ZNF574: variants seen among roughly 807,000 people sequenced by gnomAD.
ZNF574 encodes the protein zinc finger protein 574.
In ZNF574, 25 loss-of-function variants were observed where a neutral mutation model predicts 56.6. The ratio of observed to expected loss-of-function variants is 0.44; its 90% CI spans 0.32 to 0.62. The LOEUF is 0.62. Among genes scored for constraint, ZNF574 ranks in the 20% least tolerant of loss-of-function variants. The pLI is 0.04. For synonymous variants in ZNF574, 543 were observed against 492.1 expected (o/e 1.10, Z -1.37); for missense variants, 1,065 against 1,218.9 (o/e 0.87, Z 1.88).
Position 42,078,657 on chromosome 19 carries a change from C to G in ZNF574, c.51C>G (p.Val17=). The change falls in exon 2 of 2, where the codon GTC becomes GTG. Residue 17 remains valine, a synonymous_variant. Coordinates refer to ENST00000359044, the MANE Select transcript of ZNF574 (RefSeq NM_022752.6). The part of the protein sequence containing the change: ...ETVLYIEHRY[V]CSECNQLYGS... ...TCCTGTACATTGAGCACCGCTATGTCTGCTCTGAGTGCAACCAGCTGTATG... is the reference window on the plus strand; with the variant it reads ...TCCTGTACATTGAGCACCGCTATGTGTGCTCTGAGTGCAACCAGCTGTATG... The G allele has an allele frequency of 6.2e-7, 1 of 1,614,092 alleles. No individual in the cohort carries two copies. Among genetic ancestry groups the G allele is most frequent in the African/African-American group, 1.3e-5 (1 of 75,032 alleles).
chr19:42,071,829 C>A (rs571058741), upstream of ZNF574, among the ~76,000 whole-genome samples: 10 of 152,188 alleles, frequency 6.6e-5, no homozygotes, highest in African/African-American at 2.2e-4. Context: ...CATGGCAAAA[C>A]CCCGTCACTA....
At chr19:42,069,588 A>C (rs1162722921) in intron 1 of ZNF574, 2 of 105,782 alleles carry the variant, frequency 1.9e-5, no homozygotes, top group Non-Finnish European at 3.6e-5. Flanking sequence ...GCACAGGCAA[A>C]GCCGGGGGAG....
In ZNF574 at chr19:42,079,717, C is replaced by G; in HGVS notation, c.1111C>G (p.Leu371Val). Residue 371 changes from leucine (L) to valine (V), a missense_variant, in exon 2 of 2, where the codon CTG (leucine) becomes GTG (valine). By Grantham distance (32) the Leu-to-Val change is conservative (BLOSUM62 1). Transcript: ENST00000359044. The surrounding 1 kb of genome is among the most constrained non-coding windows in gnomAD (Gnocchi z 4.3). ...ESHFLCVDCG[L>V]AFGTEALLLA... Reference sequence around the variant, plus strand: ...ACACTTCCTGTGTGTAGACTGTGGCCTGGCCTTCGGCACAGAGGCCCTCCT... The same window carrying G: ...ACACTTCCTGTGTGTAGACTGTGGCGTGGCCTTCGGCACAGAGGCCCTCCT... 1 of 1,614,142 alleles carries G rather than the reference C, an allele frequency of 6.2e-7. No homozygotes were observed. Among genetic ancestry groups the G allele is most frequent in the Non-Finnish European group, 8.5e-7 (1 of 1,180,026 alleles).
Position 42,081,534 on chromosome 19 carries a change from A to G in ZNF574, c.*237A>G. The G allele has an allele frequency of 5.0e-6, 3 of 598,346 alleles. No homozygotes were observed. Among genetic ancestry groups the G allele is most frequent in the East Asian group, 5.9e-5 (2 of 33,758 alleles). 37.1% of individuals were successfully genotyped at this position (598,346 alleles called of 1,614,324 possible). On this transcript the variant is annotated 3_prime_UTR_variant, in exon 2 of 2. Coordinates refer to ENST00000359044, the MANE Select transcript of ZNF574 (RefSeq NM_022752.6). ...TGACCCCAAAAATGAAACCATCAAT[A>G]AAGACTGAGTTGCCAGCAGTGTGTA...
At chr19:42,077,613 T>C (rs2076464914) in intron 1 of ZNF574, among the ~76,000 whole-genome samples, 1 of 152,058 alleles carries the variant, frequency 6.6e-6, no homozygotes. Flanking sequence ...GAAGAGGGGA[T>C]CTGGGTATCT....
chr19:42,077,264 C>T (rs999569167), intron 1 of ZNF574, among the ~76,000 whole-genome samples: 1 of 151,800 alleles, frequency 6.6e-6, no homozygotes, highest in South Asian at 2.1e-4. Flanking sequence ...ATAGGAGGTC[C>T]GGGTATCCCT....
upstream of ZNF574, among the ~76,000 whole-genome samples, chr19:42,075,799 G>A (rs550111754): frequency 1.6e-5 from 2 of 127,380 alleles, no homozygotes; most frequent in African/African-American, 5.1e-5. Context: ...ACTCCCTCAC[G>A]GCGTCCCCAA....
chr19:42,078,243 T>C (rs2076469205), intron 1 of ZNF574, among the ~76,000 whole-genome samples: 1 of 151,568 alleles, frequency 6.6e-6, no homozygotes, highest in African/African-American at 2.4e-5. Flanking sequence ...GAGGTCTGAG[T>C]GGAGGTTCCC....
At chr19:42,077,129 TGA>T (rs1258269173) in intron 1 of ZNF574, among the ~76,000 whole-genome samples, 5 of 151,958 alleles carry the variant, frequency 3.3e-5, no homozygotes, top group Admixed American at 6.6e-5. Flanking sequence ...GGAATGAGAC[TGA>T]GAGGTTGCTA....
chr19:42,072,239 T>C (rs1262339963), upstream of ZNF574, among the ~76,000 whole-genome samples: 3 of 147,616 alleles, frequency 2.0e-5, no homozygotes, highest in Non-Finnish European at 4.5e-5. Flanking sequence ...TCCTTTTCTT[T>C]TTTTTTTTTT....
chr19:42,075,842 C>T, upstream of ZNF574, among the ~76,000 whole-genome samples: 1 of 152,174 alleles, frequency 6.6e-6, no homozygotes, highest in East Asian at 1.9e-4. Flanking sequence ...CGCCGCCTAA[C>T]GTCATCGCGC....
In ZNF574 at chr19:42,081,127, C is replaced by G. The variant is rs771710343; in HGVS notation, c.2521C>G (p.Arg841Gly). The change falls in exon 2 of 2, where the codon CGC becomes GGC. Residue 841 changes from arginine to glycine, a missense_variant. By Grantham distance (125) the Arg-to-Gly change is moderately radical. Coordinates refer to ENST00000359044, the MANE Select transcript of ZNF574 (RefSeq NM_022752.6). ...YRSFSNLWKH[R>G]KTHQQQHQAA... is the part of the protein sequence containing the mutation. ...CTCCTTCTCCAACCTCTGGAAGCACCGCAAGACCCATCAGCAGCAGCATCA... is the reference window on the plus strand; with the variant it reads ...CTCCTTCTCCAACCTCTGGAAGCACGGCAAGACCCATCAGCAGCAGCATCA... The G allele has an allele frequency of 6.2e-7, 1 of 1,614,144 alleles. No individual in the cohort carries two copies. Among genetic ancestry groups the G allele is most frequent in the Non-Finnish European group, 8.5e-7 (1 of 1,180,054 alleles).
rs768002622 is a variant in ZNF574, at chr19:42,078,729, G to A, written c.123G>A (p.Gln41=). ...VLMHQNSHVP[Q]QHFELVGVAD... ...TGCACCAAAACTCCCACGTGCCCCA[G>A]CAGCACTTTGAGCTGGTGGGCGTGG... Residue 41 remains glutamine (Q), a synonymous_variant, in exon 2 of 2, where the codon CAG becomes CAA. Coordinates refer to ENST00000359044, the MANE Select transcript of ZNF574 (RefSeq NM_022752.6). 3 of 1,613,984 alleles carry A rather than the reference G, an allele frequency of 1.9e-6. No individual in the cohort carries two copies. The Admixed American group carries it at 5.0e-5, about 27-fold the overall frequency.
rs1184510176 is a variant in ZNF574, at chr19:42,076,242, G to GGGAGCCGTGGCCC, written c.-62_-50dup. On this transcript the variant is annotated 5_prime_UTR_variant, in exon 1 of 2. Coordinates refer to ENST00000359044, the MANE Select transcript of ZNF574 (RefSeq NM_022752.6). ...CGCAGCGTTAGGGTGGCCGTGCAAG[G>GGGAGCCGTGGCCC]GGAGCCGTGGCCCGGGCCCGGGGCG... The GGGAGCCGTGGCCC allele has an allele frequency of 6.6e-6, 1 of 152,244 alleles. No individual in the cohort carries two copies. The highest frequency in any genetic ancestry group is 1.5e-5 in the Non-Finnish European group (1 of 68,094). 9.4% of individuals were successfully genotyped at this position (152,244 alleles called of 1,614,324 possible).
At chr19:42,072,152 G>A (rs1369452085), upstream of ZNF574, among the ~76,000 whole-genome samples, 1 of 151,668 alleles carries the variant, frequency 6.6e-6, no homozygotes, top group Non-Finnish European at 1.5e-5. Flanking sequence ...AAAGAGACCT[G>A]CACCACCCAA....
rs768633088 is a variant in ZNF574, at chr19:42,080,532, G to A, written c.1926G>A (p.Gly642=). ...AGCCCCACCGCTGCCCATCCTGTGG[G>A]GCTGCCTTCCCCTCCTCACTGCGGC... is the stretch of plus-strand genomic sequence containing the variant. The part of the protein sequence containing the change: ...GRQPHRCPSC[G]AAFPSSLRLR... The change falls in exon 2 of 2, where the codon GGG becomes GGA. Residue 642 remains glycine, a synonymous_variant. Transcript: ENST00000359044. The surrounding 1 kb of genome is among the most constrained non-coding windows in gnomAD (Gnocchi z 8.5). The A allele has an allele frequency of 6.2e-7, 1 of 1,613,458 alleles. No individual in the cohort carries two copies.
Position 42,068,951 on chromosome 19 carries a change from A to AG in ZNF574, c.244dup (p.Ala82GlyfsTer12). ...GAGACAGCAGGGGCACGGACATGCC[A>AG]GGGGCCCGGGGTAAGTGAGAGCCCA... is the stretch of plus-strand genomic sequence containing the variant. On this transcript the variant is annotated frameshift_variant, in exon 1 of 2. Transcript: ENST00000222339. LOFTEE classifies it high-confidence loss of function. 1 of 622,760 alleles carries AG rather than the reference A, an allele frequency of 1.6e-6. No individual in the cohort carries two copies. Among genetic ancestry groups the AG allele is most frequent in the South Asian group, 1.8e-5 (1 of 55,924 alleles). 38.6% of individuals were successfully genotyped at this position (622,760 alleles called of 1,614,324 possible).
At position 42,078,572 on chromosome 19, in the gene ZNF574, T is replaced by C. The variant is rs768919916; in HGVS notation, c.-20-15T>C. 6.3e-7 allele frequency: 1 copy of C among 1,592,300 alleles called. No individual in the cohort carries two copies. Among genetic ancestry groups the C allele is most frequent in the South Asian group, 1.1e-5 (1 of 89,108 alleles). ...GGTGACCTAACTGGTTTGTCCCCAC[T>C]GTCTCCTCTTCCAGCCCAGGGCCTT... On this transcript the variant is annotated splice_polypyrimidine_tract_variant and intron_variant, in intron 1 of 1. Transcript: ENST00000359044.
intron 1 of ZNF574, among the ~76,000 whole-genome samples, chr19:42,077,001 A>G (rs1282009198): frequency 6.6e-6 from 1 of 152,072 alleles, no homozygotes; most frequent in Non-Finnish European, 1.5e-5. Flanking sequence ...TGGGGAAGGT[A>G]GTCTTTTTTA....
Sources: gnomAD v4.1 joint callset for allele counts (sites outside exome capture counted in the v4.1 genomes callset) on GRCh38, gnomAD v4.1.1 for gene constraint, Gnocchi (gnomAD v3.1) non-coding constraint, MANE v1.5 for transcripts, NCBI Gene and HGNC (gene_info 2026-07-23, HGNC 2026-07-21) for gene names.